Variants in ABHD6 observed in about 807,000 individuals in gnomAD.
ABHD6 encodes the protein monoacylglycerol lipase ABHD6.
In ABHD6, 33 loss-of-function variants were observed where a neutral mutation model predicts 38.8. That is an observed-to-expected ratio of 0.85 (90% CI 0.64 to 1.14). The LOEUF (loss-of-function observed/expected upper bound fraction) is 1.14. Ranked by LOEUF, ABHD6 falls within the 50% of genes most tolerant of loss-of-function variation. The pLI, the probability that ABHD6 is intolerant of heterozygous loss-of-function variation, is 0.00. For missense variants in ABHD6, 380 were observed against 422.6 expected (o/e 0.90, Z 0.88); for synonymous variants, 147 against 161.6 (o/e 0.91, Z 0.69).
In ABHD6 at chr3:58,293,059, G is replaced by A. The variant is rs910713277; in HGVS notation, c.838-530G>A. Among the ~76,000 whole-genome samples, 17 of 152,208 alleles carry A rather than the reference G, an allele frequency of 1.1e-4. No individual in the cohort carries two copies. Among genetic ancestry groups the A allele is most frequent in the African/African-American group, 2.9e-4 (12 of 41,528 alleles). ...CACAGCCTGTGGTTCCCCATGGTCC[G>A]TGTGGCTGTAGGAGCAGCGCCCTCC... is the stretch of plus-strand genomic sequence containing the variant. On this transcript the variant is annotated intron_variant, in intron 9 of 9. Transcript: ENST00000478253. The surrounding 1 kb of genome is among the most constrained non-coding windows in gnomAD (Gnocchi z 4.4).
chr3:58,285,236 T>C lies in ABHD6; in HGVS notation c.736+97T>C, dbSNP rs6774235. 0.74 allele frequency: 1,123,928 copies of C among 1,526,886 alleles called. 418,068 individuals are homozygous for C. The highest frequency in any genetic ancestry group is 1 in the East Asian group (44,329 of 44,396). The allele number at this position is 1,526,886 out of a possible 1,614,324, so 94.6% of individuals were successfully genotyped here. A position where few individuals can be genotyped will look rare whatever the true frequency, so the allele number is the denominator to read the frequency against. On this transcript the variant is annotated intron_variant, in intron 8 of 9. Transcript: ENST00000478253. The surrounding 1 kb of genome is among the most constrained non-coding windows in gnomAD (Gnocchi z 4.9). Reference sequence around the variant, plus strand: ...AAATCTCTGACACTTTGAATGTCTCTTTGGGCCCCTGAAGAGAGGAAGTGG... The same window carrying C: ...AAATCTCTGACACTTTGAATGTCTCCTTGGGCCCCTGAAGAGAGGAAGTGG...
At chr3:58,289,436 C>T (rs998958239) in intron 9 of ABHD6, among the ~76,000 whole-genome samples, 7 of 149,602 alleles carry the variant, frequency 4.7e-5, no homozygotes, top group Non-Finnish European at 1.0e-4. Context: ...GGTGATGACT[C>T]TTAACGAGCA....
chr3:58,256,756 C>A lies in ABHD6; in HGVS notation c.119+51C>A, dbSNP rs1186834888. 1.7e-5 allele frequency: 23 copies of A among 1,355,870 alleles called. No homozygotes were observed. Among genetic ancestry groups the A allele is most frequent in the Non-Finnish European group, 2.4e-5 (23 of 957,400 alleles). The allele number at this position is 1,355,870 out of a possible 1,614,324, so 84.0% of individuals were successfully genotyped here. On this transcript the variant is annotated intron_variant, in intron 3 of 9. Transcript: ENST00000478253. This position sits in a 1 kb window ranked among gnomAD's most constrained non-coding sequence, Gnocchi z 4.3. ...TTCAAGAGTATCATAATATTGACATCTTCTCTGCTTGTCCTTTTTGTGGTT... is the reference window on the plus strand; with the variant it reads ...TTCAAGAGTATCATAATATTGACATATTCTCTGCTTGTCCTTTTTGTGGTT...
intron 9 of ABHD6, among the ~76,000 whole-genome samples, chr3:58,291,739 A>G (rs2097463176): frequency 6.6e-6 from 1 of 152,154 alleles, no homozygotes; most frequent in Non-Finnish European, 1.5e-5. Flanking sequence ...AGCAGCTCAT[A>G]TGGGTATTTT....
chr3:58,293,447 C>T lies in ABHD6; in HGVS notation c.838-142C>T, dbSNP rs532228474. ...CCATTCAGACAGCCACAAGCCCCAA[C>T]ACCAAAGGGACTTGGTCCTAAAATT... On this transcript the variant is annotated intron_variant, in intron 9 of 9. Coordinates refer to ENST00000478253, the MANE Select transcript of ABHD6 (RefSeq NM_001320126.2). The surrounding 1 kb of genome is among the most constrained non-coding windows in gnomAD (Gnocchi z 4.4). The T allele has an allele frequency of 2.5e-6, 2 of 805,616 alleles. No homozygotes were observed. Among genetic ancestry groups the T allele is most frequent in the South Asian group, 3.8e-5 (2 of 53,210 alleles). 49.9% of individuals were successfully genotyped at this position (805,616 alleles called of 1,614,324 possible). A position where few individuals can be genotyped will look rare whatever the true frequency, so the allele number is the denominator to read the frequency against.
At chr3:58,274,945 A>C in intron 7 of ABHD6, 130 bp downstream of exon 7, 2 of 1,172,704 alleles carry the variant, frequency 1.7e-6, no homozygotes, top group Non-Finnish European at 2.4e-6. Context: ...TATATTCAGC[A>C]AGTGTCTCTG....
At chr3:58,284,409 G>A (rs1352647825) in intron 7 of ABHD6, among the ~76,000 whole-genome samples, 1 of 150,652 alleles carries the variant, frequency 6.6e-6, no homozygotes, top group South Asian at 2.1e-4. Flanking sequence ...TTCTGCGTTT[G>A]GATATTACTG....
At chr3:58,240,533 A>G (rs1330148010) in intron 1 of ABHD6, among the ~76,000 whole-genome samples, 1 of 152,122 alleles carries the variant, frequency 6.6e-6, no homozygotes, top group African/African-American at 2.4e-5. Flanking sequence ...TTGAAAAAAA[A>G]TTCTTTAAAA....
At chr3:58,264,311 G>A (rs1193074324) in intron 3 of ABHD6, among the ~76,000 whole-genome samples, 1 of 151,576 alleles carries the variant, frequency 6.6e-6, no homozygotes, top group African/African-American at 2.4e-5. Context: ...AGGGGCATGA[G>A]GTTTCAAAGA....
rs769868424 is a variant in ABHD6, at chr3:58,269,383, C to T, written c.339C>T (p.Arg113=). The T allele has an allele frequency of 4.3e-6, 7 of 1,613,860 alleles. No homozygotes were observed. The highest frequency in any genetic ancestry group is 5.9e-6 in the Non-Finnish European group (7 of 1,179,902). The change falls in exon 5 of 10, where the codon CGC becomes CGT. Residue 113 remains arginine (R), a synonymous_variant. Transcript: ENST00000478253. This position sits in a 1 kb window ranked among gnomAD's most constrained non-coding sequence, Gnocchi z 4.4. ...TGCCAGGACATGAGGGCACCACCCGCTCCTCCCTGGATGACCTGTCCATAG... is the reference window on the plus strand; with the variant it reads ...TGCCAGGACATGAGGGCACCACCCGTTCCTCCCTGGATGACCTGTCCATAG... The part of the protein sequence containing the change: ...VDMPGHEGTT[R]SSLDDLSIDG...
At chr3:58,246,370 T>C (rs1323001239) in intron 1 of ABHD6, among the ~76,000 whole-genome samples, 3 of 152,216 alleles carry the variant, frequency 2.0e-5, no homozygotes, top group Non-Finnish European at 4.4e-5. Flanking sequence ...TTGGCCAGCA[T>C]GATTTGTTAA....
intron 1 of ABHD6, among the ~76,000 whole-genome samples, chr3:58,248,210 A>G (rs567320027): frequency 6.6e-6 from 1 of 152,274 alleles, no homozygotes; most frequent in African/African-American, 2.4e-5. Flanking sequence ...AATGGTTTAT[A>G]TTTAATTTCT....
Position 58,238,222 on chromosome 3 carries a change from C to G in ABHD6, c.-91+306C>G, listed in dbSNP as rs1004355134. On this transcript the variant is annotated intron_variant, in intron 1 of 9. Coordinates refer to ENST00000478253, the MANE Select transcript of ABHD6 (RefSeq NM_001320126.2). The surrounding 1 kb of genome is among the most constrained non-coding windows in gnomAD (Gnocchi z 6.9). ...CCCTCTTTCTACTTCGCCTCCCCAC[C>G]CCCTGCGCCCGCAGCAGCCCTTAGG... 1 of 152,554 alleles carries G rather than the reference C, an allele frequency of 6.6e-6. No individual in the cohort carries two copies. Among genetic ancestry groups the G allele is most frequent in the Non-Finnish European group, 1.5e-5 (1 of 68,358 alleles). 9.5% of individuals were successfully genotyped at this position (152,554 alleles called of 1,614,324 possible). A position where few individuals can be genotyped will look rare whatever the true frequency, so the allele number is the denominator to read the frequency against.
In ABHD6 at chr3:58,269,431, C is replaced by T; in HGVS notation, c.387C>T (p.His129=). ...TAGATGGGCAAGTTAAGAGGATACA[C>T]CAGGTAAGCAGGAGGCTCTACCAAA... is the stretch of plus-strand genomic sequence containing the variant. ...LSIDGQVKRI[H]QFVECLKLNK... is the part of the protein sequence containing the mutation. Residue 129 remains histidine, a synonymous_variant, in exon 5 of 10, where the codon CAC becomes CAT. Transcript: ENST00000478253. The surrounding 1 kb of genome is among the most constrained non-coding windows in gnomAD (Gnocchi z 4.4). The T allele has an allele frequency of 6.2e-7, 1 of 1,611,800 alleles. No individual in the cohort carries two copies. The highest frequency in any genetic ancestry group is 8.5e-7 in the Non-Finnish European group (1 of 1,178,206).
intron 7 of ABHD6, among the ~76,000 whole-genome samples, chr3:58,283,367 G>C (rs542688193): frequency 6.6e-6 from 1 of 152,340 alleles, no homozygotes; most frequent in Non-Finnish European, 1.5e-5. Flanking sequence ...CTTCCTAGGA[G>C]AGAAGGAGCA....
intron 9 of ABHD6, among the ~76,000 whole-genome samples, chr3:58,290,214 G>A (rs35760603): frequency 0.58 from 26,304 of 45,056 alleles, 8,149 homozygotes; most frequent in East Asian, 0.86. Flanking sequence ...GCTGGGCAGA[G>A]GGGCTCCTCA....
Position 58,274,665 on chromosome 3 carries a change from G to A in ABHD6, c.531G>A (p.Gln177=). ...TGGGTTTGAATCCCACAGGCCTGCA[G>A]TACTCAACTGACAATCAATTTGTAC... is the stretch of plus-strand genomic sequence containing the variant. ...SLCLVCPAGL[Q]YSTDNQFVQR... is the part of the protein sequence containing the mutation. The change falls in exon 7 of 10, where the codon CAG becomes CAA. Residue 177 remains glutamine (Q), a synonymous_variant. Coordinates refer to ENST00000478253, the MANE Select transcript of ABHD6 (RefSeq NM_001320126.2). 1.2e-6 allele frequency: 2 copies of A among 1,614,106 alleles called. No individual in the cohort carries two copies. The highest frequency in any genetic ancestry group is 1.7e-6 in the Non-Finnish European group (2 of 1,179,972).
chr3:58,289,989 G>T (rs1404881131), intron 9 of ABHD6, among the ~76,000 whole-genome samples: 4 of 142,606 alleles, frequency 2.8e-5, no homozygotes, highest in Non-Finnish European at 6.1e-5. Context: ...GCCGGGCGGG[G>T]GGCTGACCCC....
intron 9 of ABHD6, among the ~76,000 whole-genome samples, chr3:58,288,223 T>C (rs1262878515): frequency 2.6e-5 from 4 of 152,176 alleles, no homozygotes; most frequent in African/African-American, 9.7e-5. Context: ...GTCATCAACA[T>C]TTGGTGTCAC....
Sources: gnomAD v4.1 joint callset for allele counts (sites outside exome capture counted in the v4.1 genomes callset) on GRCh38, gnomAD v4.1.1 for gene constraint, Gnocchi (gnomAD v3.1) non-coding constraint, MANE v1.5 for transcripts, NCBI Gene and HGNC (gene_info 2026-07-23, HGNC 2026-07-21) for gene names.